The following SUMF1 variants were observed in gnomAD, a reference collection of about 807,000 sequenced individuals.
SUMF1 encodes the protein sulfatase modifying factor 1, also known as formylglycine-generating enzyme.
Under a neutral mutation model 47.6 loss-of-function variants are expected in SUMF1, and 48 were observed. The ratio of observed to expected loss-of-function variants is 1.01; its 90% confidence interval spans 0.80 to 1.28. The LOEUF (loss-of-function observed/expected upper bound fraction) is 1.28. Among genes scored for constraint, SUMF1 ranks in the 50% most tolerant of loss-of-function variants. The probability of loss-of-function intolerance (pLI) is 0.00; values close to 1 mark genes in which losing one functional copy is unlikely to be tolerated. For missense variants in SUMF1, 571 were observed against 485.4 expected, an observed-to-expected ratio of 1.18 and a Z score of -1.66; for synonymous variants, 230 against 192.1, an observed-to-expected ratio of 1.20 and a Z score of -1.63.
intron 3 of SUMF1, among the ~76,000 whole-genome samples, chr3:4,431,509 C>G (rs1012845864): frequency 6.6e-6 from 1 of 152,232 alleles, no homozygotes; most frequent in African/African-American, 2.4e-5. Context: ...ACCCCCATGT[C>G]CCCTCTCCAC....
chr3:4,425,907 T>C (rs1229085316), intron 3 of SUMF1, among the ~76,000 whole-genome samples: 2 of 152,138 alleles, frequency 1.3e-5, no homozygotes, highest in African/African-American at 4.8e-5. Flanking sequence ...CAAGAGAGCA[T>C]GTGCAGGGGA....
chr3:4,116,170 G>A (rs958024273), intron 8 of SUMF1, among the ~76,000 whole-genome samples: 3 of 152,066 alleles, frequency 2.0e-5, no homozygotes, highest in African/African-American at 7.3e-5. Context: ...AAGAGGTTGT[G>A]TGACCTATAC....
downstream of SUMF1, among the ~76,000 whole-genome samples, chr3:4,358,707 A>C (rs1204574280): frequency 1.3e-5 from 2 of 152,204 alleles, no homozygotes; most frequent in Non-Finnish European, 2.9e-5. Context: ...CAGTGTGTTA[A>C]GCTCTGAAAA....
At chr3:4,238,295 A>G (rs950790476) in intron 8 of SUMF1, among the ~76,000 whole-genome samples, 6 of 152,170 alleles carry the variant, frequency 3.9e-5, no homozygotes, top group Non-Finnish European at 8.8e-5. Context: ...TATACCCAGT[A>G]ACGGGATTGC....
intron 8 of SUMF1, among the ~76,000 whole-genome samples, chr3:4,204,981 T>C (rs1360261245): frequency 6.6e-6 from 1 of 152,152 alleles, no homozygotes; most frequent in African/African-American, 2.4e-5. Flanking sequence ...GGATTGGTCA[T>C]TTGTGCCTTA....
At chr3:4,284,411 C>CA (rs1697588384) in intron 8 of SUMF1, among the ~76,000 whole-genome samples, 1 of 129,532 alleles carries the variant, frequency 7.7e-6, no homozygotes, top group Non-Finnish European at 1.6e-5. Flanking sequence ...AGACTCTGTC[C>CA]CAAAAAAAAA....
At chr3:4,414,749 T>C (rs1226166151) in intron 6 of SUMF1, 1 of 152,242 alleles carries the variant, frequency 6.6e-6, no homozygotes, top group African/African-American at 2.4e-5. Flanking sequence ...TTATTTCATA[T>C]TGAACATTGT....
intron 8 of SUMF1, among the ~76,000 whole-genome samples, chr3:4,217,019 T>C (rs1695939918): frequency 6.6e-6 from 1 of 152,154 alleles, no homozygotes; most frequent in Non-Finnish European, 1.5e-5. Context: ...ACTGGGAATA[T>C]ACCCAAAGGA....
At position 4,084,887 on chromosome 3, in the gene SUMF1, C is replaced by T. The variant is rs146197811; in HGVS notation, c.1015-16142G>A. On this transcript the variant is annotated intron_variant and NMD_transcript_variant, in intron 8 of 12. Transcript: ENST00000448413. The stretch of plus-strand genomic sequence containing the variant: ...TTATCCCTCAGAAGTGCCAATTTTA[C>T]GTCTTTCCCAGTTTTCAACATAACA... 5.9e-5 allele frequency among the ~76,000 whole-genome samples: 9 copies of T among 152,200 alleles called. No homozygotes were observed. In the East Asian group the frequency reaches 1.5e-3, roughly 26 times the overall value.
chr3:4,442,510 C>T (rs528429506), intron 3 of SUMF1, among the ~76,000 whole-genome samples: 1 of 151,768 alleles, frequency 6.6e-6, no homozygotes, highest in Non-Finnish European at 1.5e-5. Flanking sequence ...CCGCCCGCCT[C>T]GGCCTCCCCA....
intron 8 of SUMF1, among the ~76,000 whole-genome samples, chr3:4,202,453 C>T (rs533206924): frequency 2.6e-5 from 4 of 152,008 alleles, no homozygotes; most frequent in South Asian, 4.2e-4. Context: ...CTACCCTGTT[C>T]CATTGGTCTA....
At chr3:4,175,050 C>G (rs1229399898) in intron 8 of SUMF1, among the ~76,000 whole-genome samples, 3 of 152,180 alleles carry the variant, frequency 2.0e-5, no homozygotes, top group Non-Finnish European at 4.4e-5. Flanking sequence ...CTGGGTGGGA[C>G]CCACCACAGC....
At chr3:4,329,733 T>C (rs191816586) in intron 8 of SUMF1, among the ~76,000 whole-genome samples, 175 of 152,174 alleles carry the variant, frequency 1.1e-3, no homozygotes, top group South Asian at 2.3e-3. Context: ...ATGCAAATTT[T>C]TGCAACCAGC....
chr3:4,222,948 A>T (rs899226092), intron 8 of SUMF1, among the ~76,000 whole-genome samples: 5 of 152,102 alleles, frequency 3.3e-5, no homozygotes, highest in Non-Finnish European at 5.9e-5. Flanking sequence ...CCACTGCAGA[A>T]GCCTGAGAGA....
chr3:4,312,819 T>C (rs1698463528), intron 8 of SUMF1: 2 of 1,498,272 alleles, frequency 1.3e-6, no homozygotes, highest in Non-Finnish European at 1.8e-6. Context: ...TTAGAATGGG[T>C]CCCAGTCAGA....
rs1311103815 is a variant in SUMF1 at position 4,453,042 on chromosome 3, G to C, written c.278C>G (p.Pro93Arg). The change falls in exon 2 of 9, where the codon CCC becomes CGC. Residue 93 changes from proline to arginine, a missense_variant. Transcript: ENST00000272902. ...CATTGTAAATACTCCAGCAGGGATG[G>C]GGACCATCTACAATGAAAGGTGAAA... The part of the protein sequence containing the change: ...ERQLAHSKMV[P>R]IPAGVFTMGT... 2 of 1,612,770 alleles carry C rather than the reference G, an allele frequency of 1.2e-6. No homozygotes were observed. Among genetic ancestry groups the C allele is most frequent in the Non-Finnish European group, 1.7e-6 (2 of 1,179,828 alleles).
rs188383415 is a variant in SUMF1 at position 4,396,643 on chromosome 3, T to C, written c.954+14222A>G. Among the ~76,000 whole-genome samples, 37 of 152,290 alleles carry C rather than the reference T, an allele frequency of 2.4e-4. No homozygotes were observed. The East Asian group carries it at 7.1e-3, about 29-fold the overall frequency. The stretch of plus-strand genomic sequence containing the variant: ...ATCCTTTTATCTTGGAGCTTCTCCA[T>C]CCCAAATTGTTTCACTTCCTTCAAG... On this transcript the variant is annotated intron_variant, in intron 7 of 8. Transcript: ENST00000272902.
chr3:4,415,776 G>A (rs930680286), intron 6 of SUMF1, among the ~76,000 whole-genome samples: 4 of 152,292 alleles, frequency 2.6e-5, no homozygotes, highest in Admixed American at 2.6e-4. Flanking sequence ...TTACACCACT[G>A]CACTACAGCC....
At chr3:4,368,732 A>AGGT (rs1173991916) in intron 8 of SUMF1, among the ~76,000 whole-genome samples, 3 of 152,212 alleles carry the variant, frequency 2.0e-5, no homozygotes, top group African/African-American at 7.2e-5. Context: ...AAGAGAGCCT[A>AGGT]ACGCACATAT....
Sources: gnomAD v4.1 joint callset for allele counts (sites outside exome capture counted in the v4.1 genomes callset) on GRCh38, gnomAD v4.1.1 for gene constraint, MANE v1.5 for transcripts, NCBI Gene and HGNC (gene_info 2026-07-23, HGNC 2026-07-21) for gene names.